LAMA1: variants seen among roughly 807,000 people sequenced by gnomAD.
LAMA1 encodes the protein laminin subunit alpha-1.
In LAMA1, 219 loss-of-function variants were observed where a neutral mutation model predicts 348.7. The ratio of observed to expected loss-of-function variants is 0.63; its 90% CI spans 0.56 to 0.70. The LOEUF (loss-of-function observed/expected upper bound fraction) is 0.70. LAMA1 is among the 30% of genes least tolerant of loss of function. The pLI is 0.00. For synonymous variants in LAMA1, 1,487 were observed against 1,491.0 expected (o/e 1.00, Z 0.06); for missense variants, 3,744 against 3,888.0 (o/e 0.96, Z 0.99).
intron 49 of LAMA1, chr18:6,965,944 A>G (rs1489624373): frequency 1.7e-6 from 1 of 593,806 alleles, no homozygotes; most frequent in Non-Finnish European, 2.9e-6. Flanking sequence ...TATTTTTCTA[A>G]AGGTTCTACA....
At chr18:7,036,136 G>A (rs1451858157) in intron 12 of LAMA1, 48 bp from the exon 13 acceptor site, 1 of 1,335,722 alleles carries the variant, frequency 7.5e-7, no homozygotes, top group Admixed American at 1.7e-5. Flanking sequence ...GACAATCACA[G>A]CAACAATCAA....
chr18:7,055,516 T>C (rs1207683731), intron 3 of LAMA1, among the ~76,000 whole-genome samples: 1 of 151,528 alleles, frequency 6.6e-6, no homozygotes, highest in Non-Finnish European at 1.5e-5. Flanking sequence ...TATGTGTATG[T>C]CTTGGGAAGG....
chr18:6,965,764 A>T, intron 49 of LAMA1: 1 of 414,610 alleles, frequency 2.4e-6, no homozygotes, highest in South Asian at 2.5e-5. Flanking sequence ...TCACCAGCCC[A>T]TGAGATGCAA....
chr18:6,964,140 A>G (rs760695773), intron 51 of LAMA1: 3 of 170,064 alleles, frequency 1.8e-5, no homozygotes, highest in Non-Finnish European at 3.9e-5. Flanking sequence ...TAGACGTTCT[A>G]AAGGCAATAC....
At chr18:6,949,497 C>T (rs2057536971) in intron 58 of LAMA1, among the ~76,000 whole-genome samples, 1 of 152,164 alleles carries the variant, frequency 6.6e-6, no homozygotes, top group Non-Finnish European at 1.5e-5. Context: ...AGAAATCTGA[C>T]ATAGAAAAAT....
intron 10 of LAMA1, 71 bp downstream of exon 10, chr18:7,040,005 C>T: frequency 6.4e-7 from 1 of 1,554,012 alleles, no homozygotes; most frequent in Non-Finnish European, 8.9e-7. Context: ...ATCATTGGAG[C>T]CAATGGAAAA....
intron 42 of LAMA1, among the ~76,000 whole-genome samples, chr18:6,978,994 A>C (rs1600367216): frequency 6.6e-6 from 1 of 152,336 alleles, no homozygotes; most frequent in African/African-American, 2.4e-5. Context: ...GAGGATTTTT[A>C]AAAGACACTA....
chr18:7,100,810 G>C (rs538067311), intron 1 of LAMA1, among the ~76,000 whole-genome samples: 1 of 152,244 alleles, frequency 6.6e-6, no homozygotes, highest in East Asian at 1.9e-4. Context: ...AGGAGTTCTA[G>C]ACTACCCTGG....
chr18:7,038,232 C>T (rs1483310684), intron 11 of LAMA1, among the ~76,000 whole-genome samples: 1 of 152,168 alleles, frequency 6.6e-6, no homozygotes, highest in African/African-American at 2.4e-5. Context: ...GCAGTCACTG[C>T]TGGGTAAGTC....
At chr18:7,029,392 C>T (rs1464363208) in intron 16 of LAMA1, among the ~76,000 whole-genome samples, 1 of 152,200 alleles carries the variant, frequency 6.6e-6, no homozygotes, top group Non-Finnish European at 1.5e-5. Context: ...TAAAGGGTTA[C>T]ATGGTTGAGC....
chr18:6,990,870 T>C (rs1404640725), intron 36 of LAMA1, among the ~76,000 whole-genome samples: 1 of 152,156 alleles, frequency 6.6e-6, no homozygotes, highest in Non-Finnish European at 1.5e-5. Context: ...TCAGGTTTCA[T>C]ATTGTCCCGG....
chr18:7,096,636 C>T (rs2143810592), intron 1 of LAMA1, among the ~76,000 whole-genome samples: 1 of 146,606 alleles, frequency 6.8e-6, no homozygotes, highest in South Asian at 2.2e-4. Flanking sequence ...GTCTAGGTGA[C>T]CAAGCAAGAC....
chr18:7,038,172 T>A (rs72887927), intron 11 of LAMA1, among the ~76,000 whole-genome samples: 1 of 152,100 alleles, frequency 6.6e-6, no homozygotes, highest in Admixed American at 6.6e-5. Flanking sequence ...ATACTCCCAA[T>A]GCGTCACCGA....
intron 11 of LAMA1, among the ~76,000 whole-genome samples, 161 bp from the exon 12 acceptor site, chr18:7,037,912 A>G (rs1160647644): frequency 6.6e-6 from 1 of 151,984 alleles, no homozygotes; most frequent in Non-Finnish European, 1.5e-5. Flanking sequence ...ATGACCCTTG[A>G]CCCTTCCACT....
In LAMA1 at chr18:6,973,045, T is replaced by C. The variant is rs750660410; in HGVS notation, c.6774+12A>G. On this transcript the variant is annotated intron_variant, in intron 47 of 62. Transcript: ENST00000389658. ...CAATCAGTCCTGTTCAGAAGAACTT[T>C]CGTAATGTTACCTTGATTTGTCCTC... is the stretch of plus-strand genomic sequence containing the variant. 3.1e-6 allele frequency: 5 copies of C among 1,614,004 alleles called. No homozygotes were observed. In the Admixed American group the frequency reaches 5.0e-5, roughly 16 times the overall value.
Position 7,042,216 on chromosome 18 carries a change from C to G in LAMA1, c.1190G>C (p.Cys397Ser). Reference sequence around the variant, plus strand: ...GAGGGACCCCACAGGGTCACAATTACAGGGGCGGCAAGGCTCATCCTCATA... The same window carrying G: ...GAGGGACCCCACAGGGTCACAATTAGAGGGGCGGCAAGGCTCATCCTCATA... ...SPYEDEPCRP[C>S]NCDPVGSLSS... The change falls in exon 9 of 63, where the codon TGT becomes TCT. Residue 397 changes from cysteine to serine, a missense_variant. Cys to Ser is a moderately radical substitution (Grantham distance 112). Transcript: ENST00000389658. 6.2e-7 allele frequency: 1 copy of G among 1,612,060 alleles called. No homozygotes were observed.
chr18:6,952,476 G>A (rs1297069419), intron 57 of LAMA1, among the ~76,000 whole-genome samples: 1 of 152,124 alleles, frequency 6.6e-6, no homozygotes, highest in Admixed American at 6.5e-5. Context: ...ACGTCTCCTG[G>A]GGGGTTCTGC....
chr18:7,007,413 A>T (rs2057837378), intron 28 of LAMA1, 137 bp from the exon 29 acceptor site: 1 of 798,892 alleles, frequency 1.3e-6, no homozygotes, highest in Non-Finnish European at 1.9e-6. Flanking sequence ...TATCAGAGAA[A>T]TGCAAATGAA....
chr18:7,032,201 T>A (rs1285006251), intron 15 of LAMA1, 25 bp from the exon 16 acceptor site: 2 of 1,479,856 alleles, frequency 1.4e-6, no homozygotes, highest in Admixed American at 1.7e-5. Flanking sequence ...AAAGTCATCC[T>A]CTTTCCACTA....
Sources: gnomAD v4.1 joint callset for allele counts (sites outside exome capture counted in the v4.1 genomes callset) on GRCh38, gnomAD v4.1.1 for gene constraint, MANE v1.5 for transcripts, NCBI Gene and HGNC (gene_info 2026-07-23, HGNC 2026-07-21) for gene names.